PHACTR3: variants seen among roughly 807,000 people sequenced by gnomAD.
PHACTR3 encodes phosphatase and actin regulator 3.
Under a neutral mutation model 66.8 loss-of-function variants are expected in PHACTR3, and 16 were observed. The observed-to-expected ratio is 0.24, with a 90% confidence interval of 0.16 to 0.36. The LOEUF (loss-of-function observed/expected upper bound fraction) is 0.36. PHACTR3 is among the 10% of genes least tolerant of loss of function. The pLI is 1.00. For missense variants in PHACTR3, 647 were observed against 719.9 expected (o/e 0.90, Z 1.16); for synonymous variants, 323 against 292.1 (o/e 1.11, Z -1.08).
At chr20:59,608,804 G>A (rs6123918) in intron 1 of PHACTR3, among the ~76,000 whole-genome samples, 198 of 152,188 alleles carry the variant, frequency 1.3e-3, no homozygotes, top group African/African-American at 4.5e-3. Context: ...CCCACCCCAG[G>A]GAACTCTGAT....
At chr20:59,612,168 AC>A (rs1200984147) in intron 1 of PHACTR3, among the ~76,000 whole-genome samples, 15 of 152,022 alleles carry the variant, frequency 9.9e-5, no homozygotes, top group Admixed American at 9.8e-4. Flanking sequence ...TTAGTTTGAG[AC>A]CTTTTCTTAT....
intron 7 of PHACTR3, among the ~76,000 whole-genome samples, chr20:59,794,091 T>TCCAG (rs1023081592): frequency 4.1e-5 from 5 of 122,560 alleles, no homozygotes; most frequent in African/African-American, 1.6e-4. Context: ...GCCACTGCAC[T>TCCAG]CCAGCCTGGG....
chr20:59,784,867 A>G (rs993452471), intron 7 of PHACTR3, among the ~76,000 whole-genome samples: 1 of 152,194 alleles, frequency 6.6e-6, no homozygotes, highest in African/African-American at 2.4e-5. Flanking sequence ...GGCATACCGC[A>G]AGGGCTCATT....
intron 8 of PHACTR3, among the ~76,000 whole-genome samples, chr20:59,831,517 C>A (rs140808041): frequency 1.3e-5 from 2 of 152,192 alleles, no homozygotes; most frequent in African/African-American, 2.4e-5. Flanking sequence ...CAGCTCCAGG[C>A]GGCACCAGGA....
intron 1 of PHACTR3, among the ~76,000 whole-genome samples, chr20:59,691,136 G>A (rs763848348): frequency 6.6e-6 from 1 of 152,240 alleles, no homozygotes; most frequent in African/African-American, 2.4e-5. Context: ...TTGAGGCTGG[G>A]TAAGTGCAGG....
intron 7 of PHACTR3, among the ~76,000 whole-genome samples, chr20:59,780,225 G>T (rs1402971009): frequency 6.6e-6 from 1 of 152,204 alleles, no homozygotes; most frequent in East Asian, 1.9e-4. Flanking sequence ...TGACAGCAAG[G>T]CTGCAGGCTA....
chr20:59,800,413 G>A (rs1036520563), intron 7 of PHACTR3, among the ~76,000 whole-genome samples: 2 of 152,086 alleles, frequency 1.3e-5, no homozygotes, highest in Admixed American at 1.3e-4. Context: ...TTGAAAGATA[G>A]TTTTTCCAAG....
chr20:59,759,668 C>T (rs2039929496), intron 4 of PHACTR3, among the ~76,000 whole-genome samples: 1 of 152,228 alleles, frequency 6.6e-6, no homozygotes, highest in African/African-American at 2.4e-5. Context: ...GTTTCTACTG[C>T]AGAGCTCAGG....
At chr20:59,606,437 T>G (rs1195855665) in intron 1 of PHACTR3, among the ~76,000 whole-genome samples, 1 of 152,174 alleles carries the variant, frequency 6.6e-6, no homozygotes, top group Non-Finnish European at 1.5e-5. Flanking sequence ...TTTCTTTATC[T>G]GGGAGGGCAG....
At chr20:59,694,975 A>G (rs559858765) in intron 1 of PHACTR3, among the ~76,000 whole-genome samples, 3 of 152,156 alleles carry the variant, frequency 2.0e-5, no homozygotes, top group Non-Finnish European at 4.4e-5. Flanking sequence ...AAACTTCAGA[A>G]CAAGTGGACT....
intron 7 of PHACTR3, among the ~76,000 whole-genome samples, chr20:59,800,218 A>G (rs1454823641): frequency 6.6e-6 from 1 of 152,184 alleles, no homozygotes; most frequent in South Asian, 2.1e-4. Flanking sequence ...AAACAATTAT[A>G]TATTTACACT....
intron 1 of PHACTR3, among the ~76,000 whole-genome samples, chr20:59,700,912 C>G (rs2037481752): frequency 6.6e-6 from 1 of 152,090 alleles, no homozygotes; most frequent in Non-Finnish European, 1.5e-5. Flanking sequence ...GCCTCAGCCT[C>G]CCAAGTAGCT....
intron 5 of PHACTR3, among the ~76,000 whole-genome samples, chr20:59,770,713 T>TC: frequency 6.6e-6 from 1 of 152,338 alleles, no homozygotes; most frequent in South Asian, 2.1e-4. Context: ...GGGCAGGTTC[T>TC]CCTCTGTGTG....
intron 1 of PHACTR3, among the ~76,000 whole-genome samples, chr20:59,611,686 G>C (rs1057027857): frequency 6.6e-6 from 1 of 152,150 alleles, no homozygotes; most frequent in African/African-American, 2.4e-5. Flanking sequence ...TGGAGGCTGT[G>C]TCTCCCCTAC....
chr20:59,663,794 C>T (rs534522769), intron 1 of PHACTR3, among the ~76,000 whole-genome samples: 15 of 152,258 alleles, frequency 9.9e-5, no homozygotes, highest in Non-Finnish European at 1.3e-4. Flanking sequence ...CCTTGTGCAA[C>T]GGAGATGAAA....
intron 1 of PHACTR3, among the ~76,000 whole-genome samples, chr20:59,632,925 T>A (rs996455169): frequency 6.6e-6 from 1 of 152,210 alleles, no homozygotes; most frequent in Non-Finnish European, 1.5e-5. Flanking sequence ...TATCATGGTG[T>A]TTCCCGGGAG....
intron 1 of PHACTR3, among the ~76,000 whole-genome samples, chr20:59,723,058 TTC>T (rs113592082): frequency 5.1e-4 from 64 of 124,988 alleles, no homozygotes; most frequent in African/African-American, 1.4e-3. Flanking sequence ...CTTTCTTTCT[TTC>T]TCTTTCTTTC....
chr20:59,630,839 G>C (rs995702377), intron 1 of PHACTR3, among the ~76,000 whole-genome samples: 5 of 152,046 alleles, frequency 3.3e-5, no homozygotes, highest in South Asian at 2.1e-4. Context: ...AGGGGCAGAG[G>C]GTTCTTAGGC....
intron 8 of PHACTR3, among the ~76,000 whole-genome samples, chr20:59,819,819 G>A (rs192518021): frequency 1.0e-3 from 157 of 152,228 alleles, no homozygotes; most frequent in African/African-American, 3.3e-3. Flanking sequence ...CCCGGTACTG[G>A]CCACCCATCA....
Sources: gnomAD v4.1 joint callset for allele counts (sites outside exome capture counted in the v4.1 genomes callset) on GRCh38, gnomAD v4.1.1 for gene constraint, MANE v1.5 for transcripts, NCBI Gene and HGNC (gene_info 2026-07-23, HGNC 2026-07-21) for gene names.